Variants in SLC1A4 observed in about 807,000 individuals in gnomAD.
SLC1A4 encodes solute carrier family 1 member 4.
In SLC1A4, 19 loss-of-function variants were observed where a neutral mutation model predicts 37.7. The ratio of observed to expected loss-of-function variants is 0.50; its 90% CI spans 0.35 to 0.74. The LOEUF (loss-of-function observed/expected upper bound fraction) is 0.74. SLC1A4 is among the 30% of genes least tolerant of loss of function. SLC1A4 has a pLI of 0.01. For missense variants in SLC1A4, 570 were observed against 712.9 expected (o/e 0.80, Z 2.28); for synonymous variants, 299 against 309.8 (o/e 0.97, Z 0.37).
chr2:65,000,422 TAAC>T (rs1673414849), intron 1 of SLC1A4: 1 of 152,222 alleles, frequency 6.6e-6, no homozygotes, highest in East Asian at 1.9e-4. Context: ...AAAATAATTA[TAAC>T]AAAAACAATG....
At chr2:65,011,981 C>T (rs1673939131) in intron 4 of SLC1A4, among the ~76,000 whole-genome samples, 1 of 151,480 alleles carries the variant, frequency 6.6e-6, no homozygotes, top group Non-Finnish European at 1.5e-5. Context: ...GTTGGCCAGG[C>T]TGGTCTCTAA....
chr2:65,016,949 CAT>C (rs1431956475), intron 5 of SLC1A4, among the ~76,000 whole-genome samples: 2 of 152,240 alleles, frequency 1.3e-5, no homozygotes, highest in East Asian at 3.9e-4. Context: ...CCAAGCCTCA[CAT>C]GATTTCTTAA....
intron 3 of SLC1A4, among the ~76,000 whole-genome samples, chr2:65,004,450 ATTTATTTT>A (rs1386867471): frequency 4.4e-5 from 6 of 135,332 alleles, no homozygotes; most frequent in African/African-American, 1.5e-4. Flanking sequence ...TTATTTATTT[ATTTATTTT>A]TTATGTTTTG....
Position 65,020,899 on chromosome 2 carries a change from C to A in SLC1A4, c.1365-13C>A, listed in dbSNP as rs1674391493. ...GCAGTAGATATAATAGCTGCCTCTT[C>A]TTTTCCCACCAGGGACCGGACCACC... On this transcript the variant is annotated splice_polypyrimidine_tract_variant and intron_variant, in intron 7 of 7. Transcript: ENST00000234256. 2.5e-6 allele frequency: 4 copies of A among 1,611,426 alleles called. No homozygotes were observed. Among genetic ancestry groups the A allele is most frequent in the Non-Finnish European group, 3.4e-6 (4 of 1,177,566 alleles).
chr2:65,001,618 T>A, intron 2 of SLC1A4, 128 bp downstream of exon 2: 1 of 710,372 alleles, frequency 1.4e-6, no homozygotes. Flanking sequence ...AAGATTGGCC[T>A]AAACTTTTAT....
intron 1 of SLC1A4, among the ~76,000 whole-genome samples, chr2:64,998,759 G>A (rs942619119): frequency 6.6e-6 from 1 of 152,180 alleles, no homozygotes; most frequent in Admixed American, 6.5e-5. Flanking sequence ...ATAGTGTTGT[G>A]CTCTTTAGAA....
chr2:65,017,881 C>T (rs572400564), intron 5 of SLC1A4, among the ~76,000 whole-genome samples, 190 bp from the exon 6 acceptor site: 1 of 152,300 alleles, frequency 6.6e-6, no homozygotes, highest in East Asian at 1.9e-4. Context: ...TTTTAAGTAT[C>T]TTGGGAGTTG....
Position 65,003,947 on chromosome 2 carries a change from T to C in SLC1A4, c.571-6T>C, listed in dbSNP as rs1249244860. On this transcript the variant is annotated splice_region_variant and splice_polypyrimidine_tract_variant and intron_variant, in intron 2 of 7. Transcript: ENST00000234256. ...ACAGTGGGTTTTTTTTTCCTCTTGA[T>C]CACAGTATGCAACCGATTATAAAGT... 6.2e-7 allele frequency: 1 copy of C among 1,613,548 alleles called. No individual in the cohort carries two copies. Among genetic ancestry groups the C allele is most frequent in the African/African-American group, 1.3e-5 (1 of 74,982 alleles).
chr2:64,994,925 T>G (rs560123095), intron 1 of SLC1A4: 2 of 152,224 alleles, frequency 1.3e-5, no homozygotes, highest in South Asian at 4.1e-4. Flanking sequence ...TTGTGAACAA[T>G]TTCTTTACAT....
intron 5 of SLC1A4, among the ~76,000 whole-genome samples, chr2:65,017,158 C>A (rs576892090): frequency 6.6e-6 from 1 of 152,184 alleles, no homozygotes; most frequent in South Asian, 2.1e-4. Context: ...CCACCTAACT[C>A]AAAAATGCAT....
intron 1 of SLC1A4, among the ~76,000 whole-genome samples, chr2:64,997,827 C>T (rs971217020): frequency 6.6e-6 from 1 of 152,022 alleles, no homozygotes; most frequent in Non-Finnish European, 1.5e-5. Flanking sequence ...GTGGGCCGGG[C>T]GTGGTGGCTC....
Position 65,021,275 on chromosome 2 carries a change from T to C in SLC1A4, c.*129T>C. ...CCAAGCAATGCTTTGGCCCAGTCGC[T>C]GGCCTGAGGCTTACCTCTCGGCACT... On this transcript the variant is annotated 3_prime_UTR_variant, in exon 8 of 8. Transcript: ENST00000234256. 1 of 719,612 alleles carries C rather than the reference T, an allele frequency of 1.4e-6. No homozygotes were observed. The highest frequency in any genetic ancestry group is 2.3e-6 in the Non-Finnish European group (1 of 435,424). 44.6% of individuals were successfully genotyped at this position (719,612 alleles called of 1,614,324 possible).
rs928219949 is a variant in SLC1A4, at chr2:65,017,974, T to C, written c.1035-97T>C. ...AAGAGAAGAAAGCCAGAAACGAAGATGGTGCTAATTGCTCTGTTCTGGGGT... is the reference window on the plus strand; with the variant it reads ...AAGAGAAGAAAGCCAGAAACGAAGACGGTGCTAATTGCTCTGTTCTGGGGT... On this transcript the variant is annotated intron_variant, in intron 5 of 7. Transcript: ENST00000234256. The C allele has an allele frequency of 8.4e-6, 8 of 953,358 alleles. No individual in the cohort carries two copies. In the Admixed American group the frequency reaches 1.9e-4, roughly 23 times the overall value. 59.1% of individuals were successfully genotyped at this position (953,358 alleles called of 1,614,324 possible).
At chr2:65,004,568 G>C (rs957631208) in intron 3 of SLC1A4, among the ~76,000 whole-genome samples, 2 of 151,896 alleles carry the variant, frequency 1.3e-5, no homozygotes, top group Non-Finnish European at 2.9e-5. Context: ...GATTGTAAGT[G>C]TGAGCCTGTG....
upstream of SLC1A4, chr2:64,988,574 C>G (rs2103621627): frequency 6.6e-6 from 1 of 152,454 alleles, no homozygotes; most frequent in South Asian, 2.1e-4. Context: ...GTTCCGCGGC[C>G]CAGGGGCGCC....
intron 5 of SLC1A4, among the ~76,000 whole-genome samples, chr2:65,017,773 G>A (rs1478009103): frequency 2.0e-5 from 3 of 152,160 alleles, no homozygotes; most frequent in East Asian, 1.9e-4. Flanking sequence ...TTGTTCTCTC[G>A]GGAACGTTTT....
intron 1 of SLC1A4, 86 bp from the exon 2 acceptor site, chr2:65,001,362 A>G (rs1673451959): frequency 2.5e-6 from 3 of 1,205,720 alleles, no homozygotes. Context: ...CAATCACACC[A>G]CTGCACTCCA....
At chr2:64,996,259 A>G (rs1389843693) in intron 1 of SLC1A4, among the ~76,000 whole-genome samples, 2 of 152,236 alleles carry the variant, frequency 1.3e-5, no homozygotes, top group African/African-American at 4.8e-5. Context: ...AGTGTGATAT[A>G]TACTGATATT....
intron 1 of SLC1A4, among the ~76,000 whole-genome samples, chr2:64,990,820 G>A (rs1477211197): frequency 6.6e-6 from 1 of 152,216 alleles, no homozygotes; most frequent in African/African-American, 2.4e-5. Flanking sequence ...TGTTTCAAAG[G>A]CCTTTCTTTG....
Sources: gnomAD v4.1 joint callset for allele counts (sites outside exome capture counted in the v4.1 genomes callset) on GRCh38, gnomAD v4.1.1 for gene constraint, MANE v1.5 for transcripts, NCBI Gene and HGNC (gene_info 2026-07-23, HGNC 2026-07-21) for gene names.